Variants in ATP8A1 observed in about 807,000 individuals in gnomAD.
The protein encoded by ATP8A1 is ATPase phospholipid transporting 8A1.
Under a neutral mutation model 177.7 loss-of-function variants are expected in ATP8A1, and 90 were observed. The observed-to-expected ratio is 0.51, with a 90% confidence interval of 0.43 to 0.60. The LOEUF (loss-of-function observed/expected upper bound fraction) is 0.60. Among genes scored for constraint, ATP8A1 ranks in the 20% least tolerant of loss-of-function variants. The pLI is 0.00. For synonymous variants in ATP8A1, 493 were observed against 485.9 expected, an observed-to-expected ratio of 1.01 and a Z score of -0.19; for missense variants, 1,072 against 1,392.8, an observed-to-expected ratio of 0.77 and a Z score of 3.67.
chr4:42,435,460 A>AACAAAC (rs1560320641), intron 33 of ATP8A1, among the ~76,000 whole-genome samples: 1 of 108,214 alleles, frequency 9.2e-6, no homozygotes. Context: ...CAAAAAAAAA[A>AACAAAC]AAACAAACTA....
intron 5 of ATP8A1, among the ~76,000 whole-genome samples, chr4:42,611,223 A>G (rs1736336699): frequency 6.7e-6 from 1 of 149,264 alleles, no homozygotes; most frequent in Admixed American, 6.8e-5. Flanking sequence ...TCCATTCAGA[A>G]AAGGCTGATT....
intron 6 of ATP8A1, among the ~76,000 whole-genome samples, chr4:42,591,876 T>C (rs796820059): frequency 2.6e-5 from 4 of 152,274 alleles, no homozygotes; most frequent in African/African-American, 9.6e-5. Context: ...TTACTCTTAC[T>C]GCTAAGTGGT....
At chr4:42,541,539 GA>G (rs556396568) in intron 20 of ATP8A1, among the ~76,000 whole-genome samples, 31 of 152,296 alleles carry the variant, frequency 2.0e-4, no homozygotes, top group African/African-American at 7.5e-4. Flanking sequence ...CAAATGAGAT[GA>G]AAACCTATGT....
chr4:42,425,829 G>GC (rs924356315), intron 33 of ATP8A1, among the ~76,000 whole-genome samples: 50 of 151,592 alleles, frequency 3.3e-4, no homozygotes, highest in African/African-American at 1.1e-3. Flanking sequence ...AGGCCAAGTG[G>GC]CCCCCACTGC....
chr4:42,525,108 C>A (rs971631866), intron 20 of ATP8A1, among the ~76,000 whole-genome samples: 2 of 151,962 alleles, frequency 1.3e-5, no homozygotes, highest in African/African-American at 4.8e-5. Flanking sequence ...TTCTACCTCA[C>A]TTACCTTCCA....
Position 42,446,080 on chromosome 4 carries a change from C to CAAAAAAAAAAAAAAAAAAAAAAAAAAA in ATP8A1, c.2958+502_2958+503insTTTTTTTTTTTTTTTTTTTTTTTTTTT, listed in dbSNP as rs11311245. On this transcript the variant is annotated intron_variant, in intron 31 of 36. Coordinates refer to ENST00000381668, the MANE Select transcript of ATP8A1 (RefSeq NM_006095.2). ...GGGCGACAAGAGTGAAACGCCCTCT[C>CAAAAAAAAAAAAAAAAAAAAAAAAAAA]AAAAAAAAAAAAAAAAAAAGAGAAG... Among the ~76,000 whole-genome samples, 21 of 63,896 alleles carry CAAAAAAAAAAAAAAAAAAAAAAAAAAA rather than the reference C, an allele frequency of 3.3e-4. 1 individual carries two copies. Among genetic ancestry groups the CAAAAAAAAAAAAAAAAAAAAAAAAAAA allele is most frequent in the East Asian group, 1.0e-3 (1 of 988 alleles). 41.9% of individuals were successfully genotyped at this position (63,896 alleles called of 152,430 possible).
Position 42,556,026 on chromosome 4 carries a change from A to C in ATP8A1, c.1355T>G (p.Phe452Cys). 6.2e-7 allele frequency: 1 copy of C among 1,611,664 alleles called. No individual in the cohort carries two copies. Among genetic ancestry groups the C allele is most frequent in the African/African-American group, 1.3e-5 (1 of 74,946 alleles). ...ATCACTAAATGTTTTTTCATCTCCA[A>C]ACTGTGAGTTCTGCCTGAAGGGGGT... ...CSPDEWQNSQ[F>C]GDEKTFSDSS... The change falls in exon 16 of 37, where the codon TTT becomes TGT. Residue 452 changes from phenylalanine to cysteine, a missense_variant. Phe to Cys is a radical substitution (Grantham distance 205, BLOSUM62 -2). Coordinates refer to ENST00000381668, the MANE Select transcript of ATP8A1 (RefSeq NM_006095.2).
chr4:42,654,084 T>C (rs927294409), intron 1 of ATP8A1, among the ~76,000 whole-genome samples: 5 of 152,212 alleles, frequency 3.3e-5, no homozygotes, highest in African/African-American at 1.2e-4. Flanking sequence ...AATCAGACTC[T>C]GCGTTTAACA....
chr4:42,509,465 C>T (rs1210920750), intron 22 of ATP8A1, among the ~76,000 whole-genome samples: 1 of 152,224 alleles, frequency 6.6e-6, no homozygotes, highest in Non-Finnish European at 1.5e-5. Flanking sequence ...TAGTATTTGT[C>T]TTTGTATACA....
At position 42,409,875 on chromosome 4, in the gene ATP8A1, T is replaced by C. The variant is rs1712396444; in HGVS notation, c.*3041A>G. 1 of 152,202 alleles carries C rather than the reference T, an allele frequency of 6.6e-6. No individual in the cohort carries two copies. The highest frequency in any genetic ancestry group is 1.5e-5 in the Non-Finnish European group (1 of 68,012). 9.4% of individuals were successfully genotyped at this position (152,202 alleles called of 1,614,324 possible). The stretch of plus-strand genomic sequence containing the variant: ...AAAATTTAATGATCAGAATGCTGAC[T>C]GATTTCCATAATTCATTTCCCCTCT... On this transcript the variant is annotated 3_prime_UTR_variant, in exon 37 of 37. Transcript: ENST00000381668.
At chr4:42,589,609 TC>T (rs780508337) in intron 7 of ATP8A1, among the ~76,000 whole-genome samples, 19 of 152,182 alleles carry the variant, frequency 1.2e-4, no homozygotes, top group Non-Finnish European at 2.4e-4. Flanking sequence ...CAAAATTAAG[TC>T]CTTCAATATT....
chr4:42,480,472 C>A (rs1208491217), intron 25 of ATP8A1, among the ~76,000 whole-genome samples: 2 of 152,134 alleles, frequency 1.3e-5, no homozygotes, highest in Non-Finnish European at 2.9e-5. Flanking sequence ...TTTTCAAAGC[C>A]AAACATCTGC....
intron 11 of ATP8A1, among the ~76,000 whole-genome samples, chr4:42,578,940 AAC>A (rs1373136741): frequency 6.6e-6 from 1 of 152,110 alleles, no homozygotes; most frequent in East Asian, 1.9e-4. Context: ...TGATGGTAGT[AAC>A]AGTTCTGATA....
Position 42,648,649 on chromosome 4 carries a change from T to A in ATP8A1, c.49+8176A>T, listed in dbSNP as rs562403294. On this transcript the variant is annotated intron_variant, in intron 1 of 36. Transcript: ENST00000381668. The stretch of plus-strand genomic sequence containing the variant: ...AAAATATGACATTAAAGCAGAAATT[T>A]AAAAAAAGGAAAGATTATACTTCAT... Among the ~76,000 whole-genome samples, 54 of 151,802 alleles carry A rather than the reference T, an allele frequency of 3.6e-4. No individual in the cohort carries two copies. In the South Asian group the frequency reaches 0.011, roughly 30 times the overall value.
intron 1 of ATP8A1, among the ~76,000 whole-genome samples, chr4:42,647,074 A>G (rs9991950): frequency 0.11 from 16,038 of 149,254 alleles, 1,137 homozygotes; most frequent in African/African-American, 0.2. Flanking sequence ...GCTACAAAAG[A>G]TGCCACAATG....
At chr4:42,446,745 G>T in intron 30 of ATP8A1, 101 bp from the exon 31 acceptor site, 6 of 958,860 alleles carry the variant, frequency 6.3e-6, no homozygotes, top group Non-Finnish European at 7.8e-6. Context: ...GAAATCAAGG[G>T]ATACACAATG....
At chr4:42,560,223 A>T (rs1056322763) in intron 15 of ATP8A1, among the ~76,000 whole-genome samples, 1 of 152,190 alleles carries the variant, frequency 6.6e-6, no homozygotes. Context: ...TAAATGTATG[A>T]ATATTTATAG....
chr4:42,413,285 C>T (rs1418213300), intron 36 of ATP8A1, among the ~76,000 whole-genome samples: 2 of 152,106 alleles, frequency 1.3e-5, no homozygotes, highest in East Asian at 1.9e-4. Flanking sequence ...TCCTCTGTCC[C>T]GTAAGTCAAC....
At chr4:42,453,566 A>T (rs7655109) in intron 29 of ATP8A1, among the ~76,000 whole-genome samples, 47,221 of 152,132 alleles carry the variant, frequency 0.31, 7,706 homozygotes, top group Middle Eastern at 0.41. Context: ...TTAAAACAAT[A>T]TACTACCCGC....
Sources: allele counts gnomAD v4.1 joint callset (sites outside exome capture counted in the v4.1 genomes callset), GRCh38; gene constraint gnomAD v4.1.1; transcripts MANE v1.5; gene names NCBI Gene and HGNC (gene_info 2026-07-23, HGNC 2026-07-21).